The following CPQ variants were observed in gnomAD, a reference collection of about 807,000 sequenced individuals.
The protein encoded by CPQ is Ser-Met dipeptidase.
In CPQ, 37 loss-of-function variants were observed where a neutral mutation model predicts 45.7. The ratio of observed to expected loss-of-function variants is 0.81; its 90% CI spans 0.62 to 1.07. The LOEUF (loss-of-function observed/expected upper bound fraction) is 1.07, where lower values mean the gene tolerates loss of function less well. Among genes scored for constraint, CPQ ranks in the 50% least tolerant of loss-of-function variants. The pLI, the probability that CPQ is intolerant of heterozygous loss-of-function variation, is 0.00. For missense variants in CPQ, 537 were observed against 572.9 expected (o/e 0.94, Z 0.64); for synonymous variants, 186 against 205.8 (o/e 0.90, Z 0.82).
At chr8:96,721,277 T>A (rs1809760598) in intron 1 of CPQ, among the ~76,000 whole-genome samples, 1 of 151,964 alleles carries the variant, frequency 6.6e-6, no homozygotes, top group Admixed American at 6.6e-5. Flanking sequence ...CTCACTTTAC[T>A]GTGGTTGGGA....
chr8:96,850,531 A>C (rs1811756186), intron 3 of CPQ, among the ~76,000 whole-genome samples: 1 of 152,084 alleles, frequency 6.6e-6, no homozygotes, highest in South Asian at 2.1e-4. Flanking sequence ...TAAATACTCC[A>C]AAAAGGCATT....
At chr8:96,913,527 C>A (rs1171595455) in intron 4 of CPQ, among the ~76,000 whole-genome samples, 2 of 152,176 alleles carry the variant, frequency 1.3e-5, no homozygotes, top group African/African-American at 2.4e-5. Context: ...TCTCCTCTAT[C>A]TTTTCAGTGT....
intron 1 of CPQ, among the ~76,000 whole-genome samples, chr8:96,719,210 G>A (rs1809728674): frequency 6.6e-6 from 1 of 152,234 alleles, no homozygotes; most frequent in Non-Finnish European, 1.5e-5. Flanking sequence ...ATGGCGGGCT[G>A]CAGGTCCCGA....
At chr8:97,137,606 T>C (rs1048156525) in intron 7 of CPQ, among the ~76,000 whole-genome samples, 1 of 152,194 alleles carries the variant, frequency 6.6e-6, no homozygotes, top group Non-Finnish European at 1.5e-5. Flanking sequence ...CAGATTTGTC[T>C]CCCCTGGGTG....
intron 6 of CPQ, among the ~76,000 whole-genome samples, chr8:97,036,506 T>C (rs1349369937): frequency 6.6e-6 from 1 of 152,134 alleles, no homozygotes; most frequent in Non-Finnish European, 1.5e-5. Context: ...AATTTGAAAA[T>C]ATAGATGAGT....
At chr8:96,792,179 A>G (rs894936656) in intron 2 of CPQ, among the ~76,000 whole-genome samples, 2 of 152,234 alleles carry the variant, frequency 1.3e-5, no homozygotes, top group African/African-American at 4.8e-5. Flanking sequence ...GAAGGCAGAT[A>G]TACAAGCAGG....
chr8:96,926,558 CTCTTCCTCTTCCTCTTCCTCT>C (rs1563530754), intron 4 of CPQ, among the ~76,000 whole-genome samples: 3 of 89,610 alleles, frequency 3.3e-5, no homozygotes, highest in Non-Finnish European at 4.4e-5. Flanking sequence ...CTTCCTCTTC[CTCTTCCTCTTCCTCTTCCTCT>C]TCTTCTTCTT....
intron 6 of CPQ, among the ~76,000 whole-genome samples, chr8:97,044,408 G>A (rs200475468): frequency 2.0e-5 from 3 of 152,010 alleles, no homozygotes; most frequent in African/African-American, 7.2e-5. Flanking sequence ...AAAGTTTTTA[G>A]CTTCTTTGCC....
intron 3 of CPQ, among the ~76,000 whole-genome samples, chr8:96,847,108 A>G (rs553037172): frequency 6.6e-6 from 1 of 152,316 alleles, no homozygotes; most frequent in African/African-American, 2.4e-5. Flanking sequence ...GGTGAGACCA[A>G]ATTTGATCAC....
chr8:96,963,824 C>G (rs193042662), intron 4 of CPQ, among the ~76,000 whole-genome samples: 5 of 152,102 alleles, frequency 3.3e-5, no homozygotes, highest in East Asian at 1.9e-4. Flanking sequence ...TCCTCTACCC[C>G]CTTTTTGTCA....
At position 96,879,818 on chromosome 8, in the gene CPQ, A is replaced by T; in HGVS notation, c.662A>T (p.Glu221Val). ...TCAAGTCCTCACACAGGTATTCAGG[A>T]ATACCAGGATGGCGTGCCCAAGATT... ...SIYSPHTGIQ[E>V]YQDGVPKIPT... is the part of the protein sequence containing the mutation. Residue 221 changes from glutamate to valine, a missense_variant, in exon 4 of 8, where the codon GAA becomes GTA. Physicochemically the swap from Glu to Val is moderately radical, Grantham distance 121. Transcript: ENST00000220763. The T allele has an allele frequency of 6.2e-7, 1 of 1,614,062 alleles. No individual in the cohort carries two copies. Among genetic ancestry groups the T allele is most frequent in the Non-Finnish European group, 8.5e-7 (1 of 1,179,954 alleles).
intron 1 of CPQ, among the ~76,000 whole-genome samples, chr8:96,742,970 C>T (rs191843813): frequency 3.3e-5 from 5 of 152,164 alleles, no homozygotes; most frequent in African/African-American, 4.8e-5. Flanking sequence ...TTGCTCTTCT[C>T]GAGGAGTATC....
intron 5 of CPQ, among the ~76,000 whole-genome samples, chr8:97,025,048 A>T (rs1469329667): frequency 6.6e-6 from 1 of 152,200 alleles, no homozygotes; most frequent in Non-Finnish European, 1.5e-5. Flanking sequence ...TATAAATTTC[A>T]TGATTTAGGA....
intron 1 of CPQ, among the ~76,000 whole-genome samples, chr8:96,774,782 A>C (rs1388171889): frequency 6.6e-6 from 1 of 152,216 alleles, no homozygotes; most frequent in African/African-American, 2.4e-5. Context: ...CATACATGAG[A>C]TCCTAAACAC....
chr8:96,659,038 A>C (rs530484811), intron 1 of CPQ, among the ~76,000 whole-genome samples: 4 of 152,240 alleles, frequency 2.6e-5, no homozygotes, highest in Non-Finnish European at 5.9e-5. Flanking sequence ...GGGTTGTTGT[A>C]AGGGTTAGGA....
intron 7 of CPQ, among the ~76,000 whole-genome samples, chr8:97,076,609 C>A (rs1810849815): frequency 6.6e-6 from 1 of 152,118 alleles, no homozygotes; most frequent in African/African-American, 2.4e-5. Context: ...GTCCTAACTC[C>A]ATTTCCACGG....
chr8:96,691,477 A>T (rs1809304497), intron 1 of CPQ, among the ~76,000 whole-genome samples: 1 of 151,938 alleles, frequency 6.6e-6, no homozygotes, highest in South Asian at 2.1e-4. Context: ...CCATTACTCA[A>T]CCCACTCCAC....
Position 97,005,168 on chromosome 8 carries a change from G to A in CPQ, c.962-24235G>A, listed in dbSNP as rs748080906. ...GTGATCTCGGCTCACTGCAACCTCC[G>A]CCTCCCGGGTTCAAGCGGTTCTTCT... On this transcript the variant is annotated intron_variant, in intron 5 of 7. Coordinates refer to ENST00000220763, the MANE Select transcript of CPQ (RefSeq NM_016134.4). 4.0e-5 allele frequency among the ~76,000 whole-genome samples: 6 copies of A among 149,882 alleles called. No individual in the cohort carries two copies. In the East Asian group the frequency reaches 6.0e-4, roughly 15 times the overall value.
At chr8:96,897,626 A>G (rs1812460341) in intron 4 of CPQ, among the ~76,000 whole-genome samples, 1 of 152,198 alleles carries the variant, frequency 6.6e-6, no homozygotes, top group South Asian at 2.1e-4. Context: ...CTATGTGTAT[A>G]AGGTGTATAA....
Sources: gnomAD v4.1 joint callset for allele counts (sites outside exome capture counted in the v4.1 genomes callset) on GRCh38, gnomAD v4.1.1 for gene constraint, MANE v1.5 for transcripts, NCBI Gene and HGNC (gene_info 2026-07-23, HGNC 2026-07-21) for gene names.